The following CADM2 variants were observed in gnomAD, a reference collection of about 807,000 sequenced individuals.
CADM2 encodes the protein immunoglobulin superfamily member 4D.
CADM2 carries 12 observed loss-of-function variants against 49.8 expected under a neutral mutation model. That is an observed-to-expected ratio of 0.24 (90% CI 0.15 to 0.39). The LOEUF (loss-of-function observed/expected upper bound fraction) is 0.39. Among genes scored for constraint, CADM2 ranks in the 10% least tolerant of loss-of-function variants. The pLI, the probability that CADM2 is intolerant of heterozygous loss-of-function variation, is 1.00. For synonymous variants in CADM2, 214 were observed against 175.4 expected (o/e 1.22, Z -1.74); for missense variants, 378 against 492.3 (o/e 0.77, Z 2.20).
At chr3:85,730,746 T>C (rs1429153432) in intron 2 of CADM2, among the ~76,000 whole-genome samples, 1 of 152,176 alleles carries the variant, frequency 6.6e-6, no homozygotes, top group African/African-American at 2.4e-5. Context: ...TGCTCCAAAA[T>C]GTTACAATTT....
intron 1 of CADM2, among the ~76,000 whole-genome samples, chr3:85,359,285 C>G (rs1357430817): frequency 6.6e-6 from 1 of 152,024 alleles, no homozygotes; most frequent in East Asian, 1.9e-4. Flanking sequence ...AATACTTGAA[C>G]AAGCATTTTC....
intron 7 of CADM2, 131 bp from the exon 8 acceptor site, chr3:85,961,338 G>T: frequency 1.5e-6 from 1 of 667,946 alleles, no homozygotes; most frequent in Non-Finnish European, 2.4e-6. Flanking sequence ...TGGTCCTTTT[G>T]GTATCTTATA....
chr3:85,659,425 A>G (rs919479519), intron 1 of CADM2, among the ~76,000 whole-genome samples: 2 of 152,068 alleles, frequency 1.3e-5, no homozygotes, highest in Non-Finnish European at 2.9e-5. Flanking sequence ...AAATATTTCA[A>G]TAAAAGTACT....
At chr3:85,599,305 T>A (rs2063332214) in intron 1 of CADM2, among the ~76,000 whole-genome samples, 1 of 152,020 alleles carries the variant, frequency 6.6e-6, no homozygotes, top group Non-Finnish European at 1.5e-5. Flanking sequence ...GTCTTGGCTG[T>A]CTTTTAAGGA....
chr3:85,014,238 A>G (rs749567470), intron 1 of CADM2, among the ~76,000 whole-genome samples: 15 of 150,370 alleles, frequency 1.0e-4, no homozygotes, highest in Admixed American at 2.0e-4. Flanking sequence ...GCAGTGTAAT[A>G]ATATTGTATA....
At chr3:85,784,191 T>C (rs1191496514) in intron 2 of CADM2, among the ~76,000 whole-genome samples, 1 of 152,234 alleles carries the variant, frequency 6.6e-6, no homozygotes, top group African/African-American at 2.4e-5. Context: ...AGTTGTCCTC[T>C]GTATCTTTGG....
At position 85,374,528 on chromosome 3, in the gene CADM2, A is replaced by C. The variant is rs2033471314; in HGVS notation, c.62-351994A>C. On this transcript the variant is annotated intron_variant, in intron 1 of 9. Coordinates refer to ENST00000383699, the MANE Select transcript of CADM2 (RefSeq NM_001167675.2). Reference sequence around the variant, plus strand: ...AGTCACTTCCACGTTTCTGGGTATCATAATGGCAGTACCCCATCTACCGGT... The same window carrying C: ...AGTCACTTCCACGTTTCTGGGTATCCTAATGGCAGTACCCCATCTACCGGT... 1.3e-5 allele frequency among the ~76,000 whole-genome samples: 2 copies of C among 152,192 alleles called. 1 individual carries two copies. The highest frequency in any genetic ancestry group is 4.1e-4 in the South Asian group (2 of 4,836).
At chr3:85,835,323 T>C (rs982694264) in intron 3 of CADM2, among the ~76,000 whole-genome samples, 1 of 151,164 alleles carries the variant, frequency 6.6e-6, no homozygotes, top group African/African-American at 2.4e-5. Context: ...TCTTTTTTTT[T>C]TTTTTTCCTG....
At chr3:85,207,100 G>C (rs2041662301) in intron 1 of CADM2, among the ~76,000 whole-genome samples, 1 of 149,484 alleles carries the variant, frequency 6.7e-6, no homozygotes. Flanking sequence ...GCATACACAT[G>C]ACAATAGCAT....
chr3:85,375,381 T>G lies in CADM2; in HGVS notation c.62-351141T>G, dbSNP rs113335394. On this transcript the variant is annotated intron_variant, in intron 1 of 9. Coordinates refer to ENST00000383699, the MANE Select transcript of CADM2 (RefSeq NM_001167675.2). The stretch of plus-strand genomic sequence containing the variant: ...TAAACACAGACAAGAATTGTAGAGG[T>G]GTTGATAATTGGCTGTAGCCTGAGG... Among the ~76,000 whole-genome samples, 787 of 152,294 alleles carry G rather than the reference T, an allele frequency of 5.2e-3. 3 individuals are homozygous for G. Among genetic ancestry groups the G allele is most frequent in the Middle Eastern group, 0.041 (12 of 294 alleles).
chr3:85,439,209 A>G (rs2037073464), intron 1 of CADM2, among the ~76,000 whole-genome samples: 1 of 149,490 alleles, frequency 6.7e-6, no homozygotes, highest in South Asian at 2.1e-4. Flanking sequence ...GCTGGAGTGT[A>G]ATGGAGCAAT....
At chr3:85,927,221 A>T in intron 6 of CADM2, among the ~76,000 whole-genome samples, 1 of 152,196 alleles carries the variant, frequency 6.6e-6, no homozygotes, top group East Asian at 1.9e-4. Flanking sequence ...GTTGGAAAAT[A>T]TTTCAAAAGA....
chr3:85,020,786 G>A (rs1326097569), intron 1 of CADM2, among the ~76,000 whole-genome samples: 3 of 147,700 alleles, frequency 2.0e-5, no homozygotes, highest in Admixed American at 6.7e-5. Context: ...TGTGTAGGGG[G>A]TGTGTGTGTG....
At chr3:85,452,152 T>C (rs1156800266) in intron 1 of CADM2, among the ~76,000 whole-genome samples, 1 of 152,088 alleles carries the variant, frequency 6.6e-6, no homozygotes, top group Non-Finnish European at 1.5e-5. Context: ...TTTTGTTTGG[T>C]TTTCAGAATA....
intron 8 of CADM2, among the ~76,000 whole-genome samples, chr3:85,974,377 C>G (rs1726523455): frequency 6.6e-6 from 1 of 151,582 alleles, no homozygotes; most frequent in African/African-American, 2.4e-5. Context: ...TTCTTGTATG[C>G]TAGGCTTAAG....
intron 1 of CADM2, among the ~76,000 whole-genome samples, chr3:85,159,550 A>C (rs1283646119): frequency 6.6e-6 from 1 of 152,096 alleles, no homozygotes; most frequent in African/African-American, 2.4e-5. Flanking sequence ...TAAATGGAAA[A>C]ATTTTTCGTA....
At chr3:85,363,661 G>A (rs2032522928) in intron 1 of CADM2, among the ~76,000 whole-genome samples, 2 of 152,092 alleles carry the variant, frequency 1.3e-5, no homozygotes, top group South Asian at 2.1e-4. Flanking sequence ...GCCCAGGCTG[G>A]AGTGCAGTGG....
rs550678623 is a variant in CADM2 at position 86,043,837 on chromosome 3, A to G, written c.971-21768A>G. The stretch of plus-strand genomic sequence containing the variant: ...ACTACAAGGCTACAGTAAACAAAAC[A>G]GCATGGTAGTGGTACCAAAACAGAG... On this transcript the variant is annotated intron_variant, in intron 8 of 9. Coordinates refer to ENST00000383699, the MANE Select transcript of CADM2 (RefSeq NM_001167675.2). 2.0e-5 allele frequency among the ~76,000 whole-genome samples: 3 copies of G among 152,346 alleles called. No homozygotes were observed. The East Asian group carries it at 5.8e-4, about 29-fold the overall frequency.
At chr3:85,496,242 C>T (rs2039886601) in intron 1 of CADM2, among the ~76,000 whole-genome samples, 1 of 152,068 alleles carries the variant, frequency 6.6e-6, no homozygotes, top group Non-Finnish European at 1.5e-5. Flanking sequence ...CTGTTCCCAT[C>T]GTTATATCTG....
Sources: allele counts gnomAD v4.1 joint callset (sites outside exome capture counted in the v4.1 genomes callset), GRCh38; gene constraint gnomAD v4.1.1; transcripts MANE v1.5; gene names NCBI Gene and HGNC (gene_info 2026-07-23, HGNC 2026-07-21).